DIP2C: variants seen among roughly 807,000 people sequenced by gnomAD.
DIP2C encodes disco-interacting protein 2 homolog C.
A neutral mutation model predicts 192.4 loss-of-function variants in DIP2C; 33 were observed. That is an observed-to-expected ratio of 0.17 (90% confidence interval 0.13 to 0.23). The LOEUF (loss-of-function observed/expected upper bound fraction) is 0.23, where lower values mean the gene tolerates loss of function less well. DIP2C is among the 10% of genes least tolerant of loss of function. The pLI, the probability that DIP2C is intolerant of heterozygous loss-of-function variation, is 1.00. For synonymous variants in DIP2C, 979 were observed against 864.1 expected, an observed-to-expected ratio of 1.13 and a Z score of -2.33; for missense variants, 1,537 against 2,110.1, an observed-to-expected ratio of 0.73 and a Z score of 5.32.
chr10:284,397 G>A (rs1354731692), intron 34 of DIP2C, among the ~76,000 whole-genome samples: 1 of 152,118 alleles, frequency 6.6e-6, no homozygotes, highest in African/African-American at 2.4e-5. Context: ...TCTCATTAAG[G>A]CAACTGAATA....
chr10:682,616 T>C (rs377176111), intron 1 of DIP2C, among the ~76,000 whole-genome samples: 6 of 152,084 alleles, frequency 3.9e-5, no homozygotes, highest in African/African-American at 1.4e-4. Context: ...GGCTCAAGGG[T>C]TCTAAAATTA....
At chr10:396,427 G>T (rs1161716373) in intron 10 of DIP2C, among the ~76,000 whole-genome samples, 1 of 152,148 alleles carries the variant, frequency 6.6e-6, no homozygotes, top group African/African-American at 2.4e-5. Flanking sequence ...CTTTAACATG[G>T]ATAAATACAA....
chr10:294,600 G>GA (rs570204891), intron 32 of DIP2C, among the ~76,000 whole-genome samples: 1,297 of 126,020 alleles, frequency 0.01, 11 homozygotes, highest in South Asian at 0.025. Context: ...TCTAAAAAAA[G>GA]AAAAAAAAAA....
At chr10:596,956 G>T (rs1406587859) in intron 1 of DIP2C, among the ~76,000 whole-genome samples, 1 of 152,370 alleles carries the variant, frequency 6.6e-6, no homozygotes, top group Middle Eastern at 3.4e-3. Context: ...TTGGTTTTGT[G>T]TATCGACCTG....
intron 32 of DIP2C, among the ~76,000 whole-genome samples, chr10:296,359 A>G (rs1286821717): frequency 6.6e-6 from 1 of 152,092 alleles, no homozygotes; most frequent in Non-Finnish European, 1.5e-5. Flanking sequence ...CACCAGTTAG[A>G]ATGGCAATCA....
Position 390,732 on chromosome 10 carries a change from T to TGGCTTACC in DIP2C, c.1384_1384+7dup, listed in dbSNP as rs1963398233. The TGGCTTACC allele has an allele frequency of 4.3e-6, 7 of 1,611,554 alleles. No individual in the cohort carries two copies. The East Asian group carries it at 1.6e-4, about 36-fold the overall frequency. ...GGCATGCGAGCTCTCGGAGGCTCGGTGGCTTACCTTTAAACTGTGGGATCT... is the reference window on the plus strand; with the variant it reads ...GGCATGCGAGCTCTCGGAGGCTCGGTGGCTTACCGGCTTACCTTTAAACTGTGGGATCT... On this transcript the variant is annotated splice_region_variant and intron_variant, in intron 11 of 36. Transcript: ENST00000280886.
chr10:449,920 C>CAAAAAAAAAAAAAAAAAAAAAAAAA (rs59135780), intron 3 of DIP2C, among the ~76,000 whole-genome samples: 26 of 135,924 alleles, frequency 1.9e-4, no homozygotes, highest in Middle Eastern at 6.9e-3. Flanking sequence ...TCAACAACAA[C>CAAAAAAAAAAAAAAAAAAAAAAAAA]AAAAAAAAAA....
chr10:517,115 T>TC (rs1846413855), intron 1 of DIP2C, among the ~76,000 whole-genome samples: 1 of 151,800 alleles, frequency 6.6e-6, no homozygotes, highest in Admixed American at 6.6e-5. Context: ...ACTTGGCCCC[T>TC]CCATCCCACC....
intron 1 of DIP2C, among the ~76,000 whole-genome samples, chr10:536,294 G>C (rs772852001): frequency 6.6e-6 from 1 of 152,334 alleles, no homozygotes; most frequent in African/African-American, 2.4e-5. Context: ...CCATTGGGAC[G>C]TAGGACCCAC....
rs748231177 is a variant in DIP2C, at chr10:414,852, TTGTGTGTGTG to T, written c.860-752_860-743del. On this transcript the variant is annotated intron_variant, in intron 7 of 36. Coordinates refer to ENST00000280886, the MANE Select transcript of DIP2C (RefSeq NM_014974.3). ...TATATATATACACACACATATATAT[TTGTGTGTGTG>T]TGTGTGTGTGTGTGTGTGTGTGTGT... Among the ~76,000 whole-genome samples, 379 of 98,856 alleles carry T rather than the reference TTGTGTGTGTG, an allele frequency of 3.8e-3. 4 individuals carry two copies. The highest frequency in any genetic ancestry group is 7.1e-3 in the Middle Eastern group (1 of 140). 64.9% of individuals were successfully genotyped at this position (98,856 alleles called of 152,430 possible).
At chr10:347,864 C>T (rs1457625775) in intron 26 of DIP2C, among the ~76,000 whole-genome samples, 1 of 109,780 alleles carries the variant, frequency 9.1e-6, no homozygotes, top group South Asian at 2.9e-4. Context: ...AGACGCGTCG[C>T]GCATAGCTCT....
chr10:536,280 C>T (rs1296149526), intron 1 of DIP2C, among the ~76,000 whole-genome samples: 1 of 152,250 alleles, frequency 6.6e-6, no homozygotes, highest in Non-Finnish European at 1.5e-5. Flanking sequence ...TCCAAGGACA[C>T]CAGCCATTGG....
At chr10:679,102 CTCTG>C (rs1831006786) in intron 1 of DIP2C, among the ~76,000 whole-genome samples, 1 of 35,644 alleles carries the variant, frequency 2.8e-5, no homozygotes, top group African/African-American at 7.2e-5. Context: ...CCGCACCCAT[CTCTG>C]CTCCCCACGC....
At chr10:549,995 G>A (rs985131066) in intron 1 of DIP2C, among the ~76,000 whole-genome samples, 15 of 149,934 alleles carry the variant, frequency 1.0e-4, no homozygotes, top group Non-Finnish European at 1.3e-4. Context: ...GAAGCAACAA[G>A]GGACGTGTAG....
At chr10:609,855 C>A (rs551308308) in intron 1 of DIP2C, among the ~76,000 whole-genome samples, 11 of 152,238 alleles carry the variant, frequency 7.2e-5, no homozygotes, top group African/African-American at 2.4e-4. Context: ...CAGCCGGGTA[C>A]CAATTAGAGA....
rs77972404 is a variant in DIP2C, at chr10:386,354, C to G, written c.1662+1391G>C. On this transcript the variant is annotated intron_variant, in intron 14 of 36. Coordinates refer to ENST00000280886, the MANE Select transcript of DIP2C (RefSeq NM_014974.3). Reference sequence around the variant, plus strand: ...TTTGAGAAGGGACTTGGACGCACGTCTGACATGCCTGAGTCACAAAGCTAA... The same window carrying G: ...TTTGAGAAGGGACTTGGACGCACGTGTGACATGCCTGAGTCACAAAGCTAA... 5.2e-3 allele frequency among the ~76,000 whole-genome samples: 799 copies of G among 152,344 alleles called. 3 individuals are homozygous for G. The highest frequency in any genetic ancestry group is 0.014 in the Middle Eastern group (4 of 294).
At chr10:535,217 C>CCA (rs1334337589) in intron 1 of DIP2C, among the ~76,000 whole-genome samples, 2 of 152,162 alleles carry the variant, frequency 1.3e-5, no homozygotes, top group Admixed American at 1.3e-4. Flanking sequence ...CCCTAGAGAC[C>CCA]CACAGCCCTA....
Position 671,045 on chromosome 10 carries a change from G to A in DIP2C, c.85+18449C>T, listed in dbSNP as rs375120387. Among the ~76,000 whole-genome samples the A allele has an allele frequency of 2.1e-3, 322 of 152,348 alleles. 2 individuals are homozygous for A. The highest frequency in any genetic ancestry group is 7.4e-3 in the African/African-American group (307 of 41,584). ...CAGAGCTGGGATCTGCCCCGAGGCCGCTTCAGGAAGAGCTGGGTGGGCACC... is the reference window on the plus strand; with the variant it reads ...CAGAGCTGGGATCTGCCCCGAGGCCACTTCAGGAAGAGCTGGGTGGGCACC... On this transcript the variant is annotated intron_variant, in intron 1 of 36. Transcript: ENST00000280886.
intron 1 of DIP2C, among the ~76,000 whole-genome samples, chr10:591,362 T>C (rs750420338): frequency 2.6e-5 from 4 of 152,136 alleles, no homozygotes; most frequent in Non-Finnish European, 5.9e-5. Flanking sequence ...TGACCTCAGG[T>C]GATCCACCTG....
Sources: gnomAD v4.1 joint callset for allele counts (sites outside exome capture counted in the v4.1 genomes callset) on GRCh38, gnomAD v4.1.1 for gene constraint, MANE v1.5 for transcripts, NCBI Gene and HGNC (gene_info 2026-07-23, HGNC 2026-07-21) for gene names.